TBC1D19: variants seen among roughly 807,000 people sequenced by gnomAD.
The protein encoded by TBC1D19 is TBC1 domain family, member 19.
Under a neutral mutation model 89.0 loss-of-function variants are expected in TBC1D19, and 60 were observed. That is an observed-to-expected ratio of 0.67 (90% CI 0.55 to 0.84). The LOEUF is 0.84. Ranked by LOEUF, TBC1D19 falls within the 40% of genes least tolerant of loss-of-function variation. The pLI is 0.00. For missense variants in TBC1D19, 500 were observed against 610.8 expected (o/e 0.82, Z 1.91); for synonymous variants, 189 against 199.7 (o/e 0.95, Z 0.45).
At chr4:26,691,832 A>G (rs1468081271) in intron 13 of TBC1D19, among the ~76,000 whole-genome samples, 1 of 152,212 alleles carries the variant, frequency 6.6e-6, no homozygotes, top group Non-Finnish European at 1.5e-5. Flanking sequence ...CAATAATACT[A>G]GTTTGCCAAT....
chr4:26,714,361 T>C (rs1577974957), intron 13 of TBC1D19, among the ~76,000 whole-genome samples: 1 of 152,116 alleles, frequency 6.6e-6, no homozygotes, highest in East Asian at 1.9e-4. Flanking sequence ...AAGAAGCAGG[T>C]ACCAAACATT....
chr4:26,834,659 C>T, the TBC1D19 span, among the ~76,000 whole-genome samples: 9 of 152,086 alleles, frequency 5.9e-5, no homozygotes, highest in African/African-American at 2.2e-4. Flanking sequence ...AAACTACTCA[C>T]CCCCAGTCCT....
At chr4:26,593,086 C>T (rs1739931906) in intron 1 of TBC1D19, among the ~76,000 whole-genome samples, 1 of 152,218 alleles carries the variant, frequency 6.6e-6, no homozygotes, top group Non-Finnish European at 1.5e-5. Flanking sequence ...TGACTTCAAA[C>T]TATACTACAA....
rs1179329910 is a variant in TBC1D19, at chr4:26,719,953, TC to T, written c.1040-127del. On this transcript the variant is annotated intron_variant, in intron 14 of 20. Transcript: ENST00000264866. Reference sequence around the variant, plus strand: ...GGTACATTTTTAAGTTAATTTCATATCATGAAATGACATATCAGTTTATAGT... The same window carrying T: ...GGTACATTTTTAAGTTAATTTCATATATGAAATGACATATCAGTTTATAGT... 6.5e-6 allele frequency: 4 copies of T among 616,950 alleles called. No homozygotes were observed. In the African/African-American group the frequency reaches 7.7e-5, roughly 12 times the overall value. The allele number at this position is 616,950 out of a possible 1,614,324, so 38.2% of individuals were successfully genotyped here. A position where few individuals can be genotyped will look rare whatever the true frequency, so the allele number is the denominator to read the frequency against.
chr4:26,760,478 TGAA>T (rs1442518284), downstream of TBC1D19, among the ~76,000 whole-genome samples: 6 of 152,064 alleles, frequency 3.9e-5, no homozygotes, highest in African/African-American at 1.2e-4. Context: ...GTGGGGATGC[TGAA>T]GTGGGAGGAT....
the TBC1D19 span, among the ~76,000 whole-genome samples, chr4:26,805,833 T>C: frequency 6.6e-6 from 1 of 152,078 alleles, no homozygotes; most frequent in East Asian, 1.9e-4. Flanking sequence ...CTGTCTCTAC[T>C]AAAAATACAA....
the TBC1D19 span, among the ~76,000 whole-genome samples, chr4:26,764,594 A>G: frequency 1.3e-5 from 2 of 152,326 alleles, no homozygotes; most frequent in South Asian, 4.1e-4. Flanking sequence ...TTCTCTCTCA[A>G]GTACTGCTGA....
intron 19 of TBC1D19, among the ~76,000 whole-genome samples, chr4:26,749,826 T>G (rs1718853925): frequency 6.6e-6 from 1 of 152,202 alleles, no homozygotes; most frequent in Admixed American, 6.5e-5. Flanking sequence ...ATTACCCTGG[T>G]ATAATCAGAG....
At chr4:26,780,024 C>T in the TBC1D19 span, among the ~76,000 whole-genome samples, 1 of 152,190 alleles carries the variant, frequency 6.6e-6, no homozygotes, top group African/African-American at 2.4e-5. Flanking sequence ...CTAAGGAATC[C>T]TCAACAGCCT....
intron 19 of TBC1D19, among the ~76,000 whole-genome samples, chr4:26,750,808 G>A (rs1303309469): frequency 1.3e-5 from 2 of 152,178 alleles, no homozygotes; most frequent in Non-Finnish European, 2.9e-5. Context: ...ATAATTTCAT[G>A]TAAATGTATA....
chr4:26,787,494 A>G, the TBC1D19 span, among the ~76,000 whole-genome samples: 2 of 152,078 alleles, frequency 1.3e-5, no homozygotes, highest in Non-Finnish European at 2.9e-5. Flanking sequence ...CCGGATGGAG[A>G]TGGATGGAAA....
chr4:26,720,011 C>A, intron 14 of TBC1D19, 70 bp from the exon 15 acceptor site: 1 of 1,346,170 alleles, frequency 7.4e-7, no homozygotes, highest in Non-Finnish European at 1.0e-6. Context: ...AGTACATTCA[C>A]AAAATAAGTT....
chr4:26,622,129 G>T (rs1742091857), intron 4 of TBC1D19, among the ~76,000 whole-genome samples: 1 of 152,048 alleles, frequency 6.6e-6, no homozygotes, highest in Non-Finnish European at 1.5e-5. Flanking sequence ...AGCATTAGGA[G>T]ATATACCTGA....
intron 19 of TBC1D19, among the ~76,000 whole-genome samples, 185 bp downstream of exon 19, chr4:26,748,711 T>A (rs573987711): frequency 2.0e-5 from 3 of 152,248 alleles, no homozygotes; most frequent in Non-Finnish European, 4.4e-5. Context: ...TTTATGTAAC[T>A]GCACAATACC....
chr4:26,658,575 T>G (rs994762982), intron 7 of TBC1D19, among the ~76,000 whole-genome samples: 1 of 152,232 alleles, frequency 6.6e-6, no homozygotes, highest in African/African-American at 2.4e-5. Context: ...TGCGGGCTCT[T>G]TTTTGGTTCC....
chr4:26,794,810 C>A, the TBC1D19 span, among the ~76,000 whole-genome samples: 135 of 152,254 alleles, frequency 8.9e-4, no homozygotes, highest in African/African-American at 3.1e-3. Flanking sequence ...TTAAATATAA[C>A]TGCAAAAATA....
intron 19 of TBC1D19, 85 bp from the exon 20 acceptor site, chr4:26,753,735 C>T: frequency 7.0e-7 from 1 of 1,420,648 alleles, no homozygotes; most frequent in Non-Finnish European, 9.9e-7. Flanking sequence ...AGTTTCCGTG[C>T]AGTGGATTTT....
At chr4:26,782,128 ACT>A in the TBC1D19 span, among the ~76,000 whole-genome samples, 1 of 152,130 alleles carries the variant, frequency 6.6e-6, no homozygotes, top group Non-Finnish European at 1.5e-5. Context: ...ATGAAATCAC[ACT>A]CTACTGTTTT....
At position 26,747,235 on chromosome 4, in the gene TBC1D19, A is replaced by G. The variant is rs116177624; in HGVS notation, c.1320-1176A>G. Among the ~76,000 whole-genome samples, 867 of 152,278 alleles carry G rather than the reference A, an allele frequency of 5.7e-3. 7 individuals carry two copies. Among genetic ancestry groups the G allele is most frequent in the African/African-American group, 0.02 (841 of 41,562 alleles). ...TTGGTGGGTGGGGATGTGTGGCACT[A>G]TTCCTCAAATATGACACTATGAGAA... On this transcript the variant is annotated intron_variant, in intron 18 of 20. Transcript: ENST00000264866.
Sources: allele counts gnomAD v4.1 joint callset (sites outside exome capture counted in the v4.1 genomes callset), GRCh38; gene constraint gnomAD v4.1.1; transcripts MANE v1.5; gene names NCBI Gene and HGNC (gene_info 2026-07-23, HGNC 2026-07-21).